The following ABHD12 variants were observed in gnomAD, a reference collection of about 807,000 sequenced individuals.
ABHD12 encodes the protein lysophosphatidylserine lipase ABHD12.
ABHD12 carries 43 observed loss-of-function variants against 58.3 expected under a neutral mutation model. The ratio of observed to expected loss-of-function variants is 0.74; its 90% confidence interval spans 0.58 to 0.95. ABHD12 has a LOEUF of 0.95. ABHD12 is among the 40% of genes least tolerant of loss of function. The pLI is 0.00. For synonymous variants in ABHD12, 219 were observed against 211.2 expected (o/e 1.04, Z -0.32); for missense variants, 539 against 537.2 (o/e 1.00, Z -0.03).
At chr20:25,362,820 G>A (rs192593751) in intron 1 of ABHD12, among the ~76,000 whole-genome samples, 2 of 151,038 alleles carry the variant, frequency 1.3e-5, no homozygotes, top group East Asian at 2.0e-4. Flanking sequence ...GATTGCAGGC[G>A]TGCACCACCA....
intron 10 of ABHD12, among the ~76,000 whole-genome samples, chr20:25,306,463 G>C (rs2088743694): frequency 6.6e-6 from 1 of 152,078 alleles, no homozygotes. Flanking sequence ...CTGCAGTCTT[G>C]ACCTCCCCAG....
intron 1 of ABHD12, among the ~76,000 whole-genome samples, chr20:25,381,258 C>T (rs377401293): frequency 2.0e-5 from 3 of 152,174 alleles, no homozygotes; most frequent in Admixed American, 6.5e-5. Context: ...GCCTCATCTG[C>T]GGCTATTCCC....
chr20:25,372,452 A>G (rs2089910744), intron 1 of ABHD12, among the ~76,000 whole-genome samples: 1 of 152,020 alleles, frequency 6.6e-6, no homozygotes, highest in African/African-American at 2.4e-5. Context: ...TGATCCTTCC[A>G]TCTTGGCCTC....
intron 1 of ABHD12, among the ~76,000 whole-genome samples, chr20:25,348,810 C>T (rs1008952235): frequency 2.6e-5 from 4 of 152,028 alleles, no homozygotes; most frequent in Non-Finnish European, 5.9e-5. Flanking sequence ...TTGGCGGTTG[C>T]GGTGGCTCAC....
At chr20:25,340,048 G>A (rs1422301487) in intron 1 of ABHD12, among the ~76,000 whole-genome samples, 1 of 152,136 alleles carries the variant, frequency 6.6e-6, no homozygotes, top group Admixed American at 6.5e-5. Context: ...CTAACCCGGT[G>A]ATTCTCAAAT....
At chr20:25,359,119 A>T (rs1473916147) in intron 1 of ABHD12, among the ~76,000 whole-genome samples, 3 of 150,776 alleles carry the variant, frequency 2.0e-5, no homozygotes, top group African/African-American at 4.9e-5. Context: ...AAAAAAAAAA[A>T]TTGCATATAA....
intron 1 of ABHD12, among the ~76,000 whole-genome samples, chr20:25,351,387 G>A (rs2089598269): frequency 6.6e-6 from 1 of 152,130 alleles, no homozygotes; most frequent in African/African-American, 2.4e-5. Flanking sequence ...CACTTTCTTT[G>A]GGCTTCCACT....
chr20:25,390,384 G>C (rs2090154411), intron 1 of ABHD12, 129 bp downstream of exon 1: 1 of 945,096 alleles, frequency 1.1e-6, no homozygotes, highest in East Asian at 3.6e-5. Flanking sequence ...GCGCGGACGG[G>C]GGCGGCCGCG....
At chr20:25,338,492 A>G (rs190462288) in intron 2 of ABHD12, among the ~76,000 whole-genome samples, 520 of 152,278 alleles carry the variant, frequency 3.4e-3, no homozygotes, top group Admixed American at 7.9e-3. Context: ...CCTCGCTTGT[A>G]GGACTGTTCC....
intron 1 of ABHD12, among the ~76,000 whole-genome samples, chr20:25,341,649 T>C (rs979095073): frequency 6.6e-6 from 1 of 152,148 alleles, no homozygotes; most frequent in African/African-American, 2.4e-5. Context: ...ATGTGAGTCC[T>C]TGCACCAAAC....
At chr20:25,317,449 G>A (rs917703969) in intron 4 of ABHD12, among the ~76,000 whole-genome samples, 4 of 152,142 alleles carry the variant, frequency 2.6e-5, no homozygotes, top group African/African-American at 4.8e-5. Context: ...AACAGGACCC[G>A]TATGGGCGAC....
At position 25,326,163 on chromosome 20, in the gene ABHD12, A is replaced by G. The variant is rs187535533; in HGVS notation, c.317-2733T>C. Among the ~76,000 whole-genome samples, 850 of 143,288 alleles carry G rather than the reference A, an allele frequency of 5.9e-3. 8 individuals carry two copies. Among genetic ancestry groups the G allele is most frequent in the African/African-American group, 0.02 (800 of 39,308 alleles). 94.0% of individuals were successfully genotyped at this position (143,288 alleles called of 152,430 possible). A position where few individuals can be genotyped will look rare whatever the true frequency, so the allele number is the denominator to read the frequency against. On this transcript the variant is annotated intron_variant, in intron 2 of 12. Coordinates refer to ENST00000339157, the MANE Select transcript of ABHD12 (RefSeq NM_001042472.3). ...GGAAGAAAGAGAAGAGAGAGGAAGG[A>G]AGGAAGGGAGAGAGGTAGGGAGGGA...
intron 12 of ABHD12, chr20:25,295,058 T>C: frequency 6.2e-7 from 1 of 1,610,680 alleles, no homozygotes; most frequent in Non-Finnish European, 8.5e-7. Context: ...CTTTTAAAAT[T>C]GTGAACTCTG....
intron 10 of ABHD12, among the ~76,000 whole-genome samples, chr20:25,304,718 C>T (rs1049473279): frequency 1.3e-5 from 2 of 151,926 alleles, no homozygotes; most frequent in African/African-American, 4.8e-5. Flanking sequence ...CAGGCGTGCA[C>T]CACCACGCCT....
chr20:25,296,417 G>C (rs200407106), downstream of ABHD12: 16 of 1,613,980 alleles, frequency 9.9e-6, no homozygotes, highest in Non-Finnish European at 1.4e-5. Context: ...TCGCCTGCTC[G>C]GGCAAGTTCT....
At chr20:25,324,556 G>A (rs954794644) in intron 2 of ABHD12, among the ~76,000 whole-genome samples, 1 of 152,194 alleles carries the variant, frequency 6.6e-6, no homozygotes, top group Non-Finnish European at 1.5e-5. Context: ...CCTCTGGTGG[G>A]TCCTGCCCCC....
At chr20:25,369,370 A>C (rs899193541) in intron 1 of ABHD12, among the ~76,000 whole-genome samples, 11 of 152,190 alleles carry the variant, frequency 7.2e-5, no homozygotes, top group Non-Finnish European at 1.5e-4. Flanking sequence ...TACCAAATCT[A>C]AGAGGCCTAA....
Position 25,312,313 on chromosome 20 carries a change from T to G in ABHD12, c.619+2612A>C, listed in dbSNP as rs561971242. On this transcript the variant is annotated intron_variant, in intron 6 of 12. Coordinates refer to ENST00000339157, the MANE Select transcript of ABHD12 (RefSeq NM_001042472.3). ...CCTGCCTCAGCCTGCCGAGTGCCTG[T>G]GATTGCAGCAGCGCGCTGCCATGCC... 2.6e-5 allele frequency among the ~76,000 whole-genome samples: 4 copies of G among 152,212 alleles called. No homozygotes were observed. In the East Asian group the frequency reaches 7.8e-4, roughly 30 times the overall value.
chr20:25,370,110 C>T (rs2089881063), intron 1 of ABHD12, among the ~76,000 whole-genome samples: 1 of 152,106 alleles, frequency 6.6e-6, no homozygotes. Context: ...TTACAGTGGA[C>T]CCAAACACAC....
Sources: gnomAD v4.1 joint callset for allele counts (sites outside exome capture counted in the v4.1 genomes callset) on GRCh38, gnomAD v4.1.1 for gene constraint, MANE v1.5 for transcripts, NCBI Gene and HGNC (gene_info 2026-07-23, HGNC 2026-07-21) for gene names.